Variants in HAUS6 observed in about 807,000 individuals in gnomAD.
HAUS6 encodes HAUS augmin-like complex subunit 6.
Under a neutral mutation model 106.8 loss-of-function variants are expected in HAUS6, and 80 were observed. The observed-to-expected ratio is 0.75, with a 90% CI of 0.63 to 0.90. HAUS6 has a LOEUF of 0.90. Ranked by LOEUF, HAUS6 falls within the 40% of genes least tolerant of loss-of-function variation. The pLI is 0.00. For missense variants in HAUS6, 1,155 were observed against 1,118.1 expected, an observed-to-expected ratio of 1.03 and a Z score of -0.47; for synonymous variants, 356 against 379.1, an observed-to-expected ratio of 0.94 and a Z score of 0.71.
intron 7 of HAUS6, among the ~76,000 whole-genome samples, chr9:19,084,205 A>G (rs972239777): frequency 2.6e-5 from 4 of 152,240 alleles, no homozygotes; most frequent in South Asian, 2.1e-4. Flanking sequence ...ACATACTACA[A>G]TTACACACAA....
intron 16 of HAUS6, chr9:19,056,749 C>T (rs1483412007): frequency 6.3e-5 from 12 of 190,734 alleles, no homozygotes; most frequent in African/African-American, 2.8e-4. Context: ...CACAGGCATG[C>T]GCCAACGTGC....
At chr9:19,098,680 G>A (rs1322423517) in intron 1 of HAUS6, among the ~76,000 whole-genome samples, 1 of 151,736 alleles carries the variant, frequency 6.6e-6, no homozygotes, top group Non-Finnish European at 1.5e-5. Context: ...AAACCTTTTG[G>A]GCAAATACCT....
At chr9:19,082,835 G>C in intron 8 of HAUS6, 38 bp downstream of exon 8, 4 of 1,030,452 alleles carry the variant, frequency 3.9e-6, no homozygotes, top group Non-Finnish European at 5.5e-6. Flanking sequence ...TACATGATAG[G>C]AGTTTTCTCA....
At chr9:19,069,100 G>A (rs182341882) in intron 12 of HAUS6, among the ~76,000 whole-genome samples, 29 of 152,250 alleles carry the variant, frequency 1.9e-4, no homozygotes, top group Middle Eastern at 3.4e-3. Flanking sequence ...GGCTGGACCA[G>A]CCACGGGTTA....
chr9:19,102,421 T>C, intron 1 of HAUS6, 103 bp downstream of exon 1: 2 of 1,288,750 alleles, frequency 1.6e-6, no homozygotes, highest in Non-Finnish European at 2.2e-6. Context: ...GAGTAACTGC[T>C]CAACCAATTC....
intron 12 of HAUS6, among the ~76,000 whole-genome samples, 161 bp downstream of exon 12, chr9:19,070,058 G>A (rs548258541): frequency 6.6e-6 from 1 of 152,272 alleles, no homozygotes; most frequent in East Asian, 1.9e-4. Flanking sequence ...ACTACATCCA[G>A]TGATTGGTGC....
chr9:19,056,934 A>G (rs1304907911), intron 16 of HAUS6: 2 of 152,832 alleles, frequency 1.3e-5, no homozygotes, highest in African/African-American at 4.8e-5. Flanking sequence ...TATAACTATT[A>G]TGGGCAAATC....
chr9:19,086,238 G>A (rs1185537712), intron 7 of HAUS6, among the ~76,000 whole-genome samples: 1 of 151,938 alleles, frequency 6.6e-6, no homozygotes, highest in East Asian at 1.9e-4. Context: ...TTGAACCCAG[G>A]AGGTGGAGGT....
At chr9:19,066,217 T>G (rs938377269) in intron 12 of HAUS6, among the ~76,000 whole-genome samples, 2 of 151,990 alleles carry the variant, frequency 1.3e-5, no homozygotes, top group Non-Finnish European at 2.9e-5. Context: ...ATTACAGGCA[T>G]GAGCCACCAT....
chr9:19,055,391 T>G lies in HAUS6; in HGVS notation c.*952A>C, dbSNP rs1348234470. 1.3e-5 allele frequency: 2 copies of G among 152,190 alleles called. No individual in the cohort carries two copies. The highest frequency in any genetic ancestry group is 2.9e-5 in the Non-Finnish European group (2 of 68,044). The allele number at this position is 152,190 out of a possible 1,614,324, so 9.4% of individuals were successfully genotyped here. A position where few individuals can be genotyped will look rare whatever the true frequency, so the allele number is the denominator to read the frequency against. ...AAGGAGTGAGGCAGGAGACTGCAAGTGTGACAAGTTATTTAACCCCAAGTT... is the reference window on the plus strand; with the variant it reads ...AAGGAGTGAGGCAGGAGACTGCAAGGGTGACAAGTTATTTAACCCCAAGTT... On this transcript the variant is annotated 3_prime_UTR_variant, in exon 17 of 17. Transcript: ENST00000380502.
At chr9:19,066,732 G>A (rs1007602641) in intron 12 of HAUS6, among the ~76,000 whole-genome samples, 10 of 148,118 alleles carry the variant, frequency 6.8e-5, no homozygotes, top group Admixed American at 3.5e-4. Flanking sequence ...GGTGGCTCAC[G>A]TCTGAAACCC....
intron 12 of HAUS6, among the ~76,000 whole-genome samples, chr9:19,067,279 GT>G (rs1466356677): frequency 3.3e-5 from 5 of 152,140 alleles, no homozygotes; most frequent in African/African-American, 1.2e-4. Flanking sequence ...ATTAAGTACA[GT>G]CCACCTATGT....
chr9:19,087,828 CA>C (rs1187063116), intron 5 of HAUS6, among the ~76,000 whole-genome samples: 1 of 110,846 alleles, frequency 9.0e-6, no homozygotes, highest in Non-Finnish European at 1.7e-5. Context: ...AGCTAAGCAA[CA>C]GAGCAAGACC....
At chr9:19,073,573 CAAAAGCCCTTTCCCA>C (rs1230858002) in intron 11 of HAUS6, among the ~76,000 whole-genome samples, 1 of 148,480 alleles carries the variant, frequency 6.7e-6, no homozygotes, top group Admixed American at 6.7e-5. Context: ...GGCAAGAGTG[CAAAAGCCCTTTCCCA>C]ACTGAAATGA....
chr9:19,058,431 G>C lies in HAUS6; in HGVS notation c.2336C>G (p.Thr779Ser), dbSNP rs141501503. The C allele has an allele frequency of 1.3e-3, 2,014 of 1,604,362 alleles. 21 individuals carry two copies. In the African/African-American group the frequency reaches 0.025, roughly 20 times the overall value. ...KDNDFGILHE[T>S]LPEEVGHLSF... The stretch of plus-strand genomic sequence containing the variant: ...TAGATGACCAACTTCTTCCGGGAGA[G>C]TTTCGTGTAATATGCCAAAATCATT... The change falls in exon 16 of 17, where the codon ACT becomes AGT. Residue 779 changes from threonine (T) to serine (S), a missense_variant. Coordinates refer to ENST00000380502, the MANE Select transcript of HAUS6 (RefSeq NM_017645.5).
chr9:19,073,806 C>G (rs925034192), intron 11 of HAUS6: 1 of 152,144 alleles, frequency 6.6e-6, no homozygotes, highest in African/African-American at 2.4e-5. Flanking sequence ...ATTTATCAAA[C>G]AATGCAGCCT....
At chr9:19,096,040 T>A (rs1398010100) in intron 2 of HAUS6, among the ~76,000 whole-genome samples, 1 of 152,166 alleles carries the variant, frequency 6.6e-6, no homozygotes, top group Non-Finnish European at 1.5e-5. Context: ...TTCATACGGA[T>A]TGATATCATT....
intron 4 of HAUS6, 53 bp downstream of exon 4, chr9:19,093,118 A>C: frequency 8.0e-7 from 1 of 1,242,512 alleles, no homozygotes; most frequent in Non-Finnish European, 1.1e-6. Context: ...AATTGTAAAG[A>C]ACAATAAAAA....
At chr9:19,064,755 G>A (rs571902717) in intron 12 of HAUS6, among the ~76,000 whole-genome samples, 10 of 152,228 alleles carry the variant, frequency 6.6e-5, no homozygotes, top group East Asian at 1.9e-4. Flanking sequence ...CTTTGCCTAC[G>A]TTCCAAACAT....
Sources: gnomAD v4.1 joint callset for allele counts (sites outside exome capture counted in the v4.1 genomes callset) on GRCh38, gnomAD v4.1.1 for gene constraint, MANE v1.5 for transcripts, NCBI Gene and HGNC (gene_info 2026-07-23, HGNC 2026-07-21) for gene names.